Variants in CDH6 observed in about 807,000 individuals in gnomAD.
The protein encoded by CDH6 is cadherin-6.
Under a neutral mutation model 78.0 loss-of-function variants are expected in CDH6, and 31 were observed. The ratio of observed to expected loss-of-function variants is 0.40; its 90% CI spans 0.30 to 0.54. CDH6 has a LOEUF of 0.54. CDH6 is among the 20% of genes least tolerant of loss of function. The probability of loss-of-function intolerance (pLI) is 0.56; values close to 1 mark genes in which losing one functional copy is unlikely to be tolerated. For missense variants in CDH6, 724 were observed against 975.9 expected, an observed-to-expected ratio of 0.74 and a Z score of 3.44; for synonymous variants, 376 against 368.8, an observed-to-expected ratio of 1.02 and a Z score of -0.23.
rs1284362065 is a variant in CDH6, at chr5:31,302,131, C to T, written c.832C>T (p.Pro278Ser). Residue 278 changes from proline to serine, a missense_variant, in exon 6 of 12, where the codon CCT becomes TCT. Physicochemically the swap from Pro to Ser is moderately conservative, Grantham distance 74. Around this residue, in one of 3 missense-constraint regions of CDH6, gnomAD observed 446 missense variants for 684.5 expected, o/e 0.65. Coordinates refer to ENST00000265071, the MANE Select transcript of CDH6 (RefSeq NM_004932.4). ...AATAGGTACATACCAGTTTAAAACTCCTGAATCTTCTCCACCGGGGACACC... is the reference window on the plus strand; with the variant it reads ...AATAGGTACATACCAGTTTAAAACTTCTGAATCTTCTCCACCGGGGACACC... ...FPQSTYQFKTPESSPPGTPIG... is the reference protein window; with the variant it reads ...FPQSTYQFKTSESSPPGTPIG... 1 of 1,613,514 alleles carries T rather than the reference C, an allele frequency of 6.2e-7. No homozygotes were observed. Among genetic ancestry groups the T allele is most frequent in the Non-Finnish European group, 8.5e-7 (1 of 1,179,606 alleles).
intron 2 of CDH6, among the ~76,000 whole-genome samples, chr5:31,290,452 A>C (rs1447643519): frequency 2.0e-5 from 3 of 152,218 alleles, no homozygotes; most frequent in African/African-American, 7.2e-5. Flanking sequence ...ATTAAACTTA[A>C]TGGAACAGCC....
At chr5:31,269,798 A>G (rs1204367924) in intron 2 of CDH6, among the ~76,000 whole-genome samples, 2 of 152,224 alleles carry the variant, frequency 1.3e-5, no homozygotes, top group East Asian at 3.8e-4. Context: ...GGGCAGCTAG[A>G]TAAATTTCCC....
intron 1 of CDH6, among the ~76,000 whole-genome samples, chr5:31,195,557 C>T (rs1001979893): frequency 6.6e-6 from 1 of 152,138 alleles, no homozygotes; most frequent in Non-Finnish European, 1.5e-5. Context: ...AGTACTTGCA[C>T]GGCTCTATGC....
At chr5:31,225,351 A>G (rs1293134874) in intron 1 of CDH6, among the ~76,000 whole-genome samples, 1 of 152,172 alleles carries the variant, frequency 6.6e-6, no homozygotes. Flanking sequence ...TGTTGATATT[A>G]TTACTCTTAC....
At chr5:31,198,986 T>G (rs1413470381) in intron 1 of CDH6, among the ~76,000 whole-genome samples, 1 of 152,062 alleles carries the variant, frequency 6.6e-6, no homozygotes, top group African/African-American at 2.4e-5. Flanking sequence ...AAAGATTTCC[T>G]TAGTGCATTG....
chr5:31,223,601 A>G (rs1287008815), intron 1 of CDH6, among the ~76,000 whole-genome samples: 1 of 152,182 alleles, frequency 6.6e-6, no homozygotes, highest in Non-Finnish European at 1.5e-5. Flanking sequence ...TTAGTATGCT[A>G]TGGAATGATT....
intron 2 of CDH6, among the ~76,000 whole-genome samples, chr5:31,278,233 A>G (rs1211004653): frequency 6.6e-6 from 1 of 152,232 alleles, no homozygotes; most frequent in Non-Finnish European, 1.5e-5. Flanking sequence ...GATAGTAAAC[A>G]TATAAACCAA....
At chr5:31,261,023 T>C (rs1053496818) in intron 1 of CDH6, among the ~76,000 whole-genome samples, 1 of 152,218 alleles carries the variant, frequency 6.6e-6, no homozygotes, top group Admixed American at 6.5e-5. Context: ...TCTTGGGTTA[T>C]CGGGAAATTG....
chr5:31,201,869 C>T (rs1032392116), intron 1 of CDH6, among the ~76,000 whole-genome samples: 2 of 152,056 alleles, frequency 1.3e-5, no homozygotes, highest in African/African-American at 4.8e-5. Flanking sequence ...TTAATTAAAA[C>T]TTACAGAGAT....
intron 1 of CDH6, among the ~76,000 whole-genome samples, chr5:31,209,541 G>A (rs1233735041): frequency 6.6e-6 from 1 of 152,142 alleles, no homozygotes; most frequent in Non-Finnish European, 1.5e-5. Flanking sequence ...GGGAAAGGCG[G>A]TCAGAAAAGC....
chr5:31,296,421 T>A (rs1181453419), intron 3 of CDH6, among the ~76,000 whole-genome samples: 1 of 152,172 alleles, frequency 6.6e-6, no homozygotes, highest in African/African-American at 2.4e-5. Context: ...ATTAGGCAAC[T>A]GTGGGGTCTA....
Position 31,294,315 on chromosome 5 carries a change from A to C in CDH6, c.523+59A>C. The stretch of plus-strand genomic sequence containing the variant: ...TTTCCCCTAGTGCATCCACTGAGTA[A>C]GGAATCCCACGAGCTCAAAGTACTG... On this transcript the variant is annotated intron_variant, in intron 3 of 11. Coordinates refer to ENST00000265071, the MANE Select transcript of CDH6 (RefSeq NM_004932.4). This position sits in a 1 kb window ranked among gnomAD's most constrained non-coding sequence, Gnocchi z 4.1. 1.4e-6 allele frequency: 2 copies of C among 1,412,972 alleles called. No individual in the cohort carries two copies. The highest frequency in any genetic ancestry group is 2.0e-6 in the Non-Finnish European group (2 of 1,021,086). 87.5% of individuals were successfully genotyped at this position (1,412,972 alleles called of 1,614,324 possible).
chr5:31,208,861 T>G (rs1028136943), intron 1 of CDH6, among the ~76,000 whole-genome samples: 1 of 152,250 alleles, frequency 6.6e-6, no homozygotes, highest in Non-Finnish European at 1.5e-5. Context: ...AACATGGCTG[T>G]ACCAAAAAGA....
chr5:31,197,751 C>T (rs1579802613), intron 1 of CDH6, among the ~76,000 whole-genome samples: 4 of 152,154 alleles, frequency 2.6e-5, no homozygotes, highest in East Asian at 3.9e-4. Flanking sequence ...TTTTCTTCTT[C>T]GTTTTTTTCA....
chr5:31,251,726 A>G (rs1407470436), intron 1 of CDH6: 1 of 151,848 alleles, frequency 6.6e-6, no homozygotes, highest in Non-Finnish European at 1.5e-5. Flanking sequence ...TAGAATAGCA[A>G]CTCCCTTAGA....
Position 31,325,540 on chromosome 5 carries a change from C to A in CDH6, c.*2232C>A, listed in dbSNP as rs897064624. ...GTCTCTATCTGTATGTTTCATGTCA[C>A]GTAACAAATTGAATCAAGGAAGATA... On this transcript the variant is annotated 3_prime_UTR_variant, in exon 12 of 12. Coordinates refer to ENST00000265071, the MANE Select transcript of CDH6 (RefSeq NM_004932.4). The A allele has an allele frequency of 4.3e-6, 1 of 230,264 alleles. No homozygotes were observed. Among genetic ancestry groups the A allele is most frequent in the Admixed American group, 5.7e-5 (1 of 17,684 alleles). 14.3% of individuals were successfully genotyped at this position (230,264 alleles called of 1,614,324 possible). A position where few individuals can be genotyped will look rare whatever the true frequency, so the allele number is the denominator to read the frequency against.
At chr5:31,267,812 G>T in intron 2 of CDH6, 111 bp downstream of exon 2, 2 of 812,008 alleles carry the variant, frequency 2.5e-6, no homozygotes, top group Non-Finnish European at 3.9e-6. Context: ...AAGAATTGTT[G>T]CTTAACTGGT....
intron 1 of CDH6, among the ~76,000 whole-genome samples, chr5:31,209,297 A>G (rs1224690376): frequency 6.6e-6 from 1 of 152,198 alleles, no homozygotes; most frequent in Non-Finnish European, 1.5e-5. Context: ...CAGGCTCAAA[A>G]AAATGAGATC....
At chr5:31,299,279 A>G (rs1001319375) in intron 4 of CDH6, among the ~76,000 whole-genome samples, 185 bp from the exon 5 acceptor site, 20 of 151,884 alleles carry the variant, frequency 1.3e-4, no homozygotes, top group Non-Finnish European at 2.2e-4. Context: ...TAATGTATCT[A>G]TCTCCCCTGT....
Sources: allele counts gnomAD v4.1 joint callset (sites outside exome capture counted in the v4.1 genomes callset), GRCh38; gene constraint gnomAD v4.1.1; regional missense constraint gnomAD v4.1.1; non-coding constraint Gnocchi (gnomAD v3.1); transcripts MANE v1.5; gene names NCBI Gene and HGNC (gene_info 2026-07-23, HGNC 2026-07-21).